Variants in NPSR1 observed in about 807,000 individuals in gnomAD.
NPSR1 encodes neuropeptide S receptor.
A neutral mutation model predicts 46.9 loss-of-function variants in NPSR1; 48 were observed. That is an observed-to-expected ratio of 1.02 (90% CI 0.81 to 1.30). The LOEUF is 1.30. Among genes scored for constraint, NPSR1 ranks in the 50% most tolerant of loss-of-function variants. The probability of loss-of-function intolerance (pLI) is 0.00; values close to 1 mark genes in which losing one functional copy is unlikely to be tolerated. For missense variants in NPSR1, 450 were observed against 449.5 expected (o/e 1.00, Z -0.01); for synonymous variants, 176 against 168.1 (o/e 1.05, Z -0.36).
intron 2 of NPSR1, among the ~76,000 whole-genome samples, chr7:34,775,025 CTT>C (rs1786884505): frequency 6.6e-6 from 1 of 152,190 alleles, no homozygotes; most frequent in Non-Finnish European, 1.5e-5. Context: ...CCACTAAAAA[CTT>C]TACCGATGTG....
rs1300947798 is a variant in NPSR1 at position 34,724,397 on chromosome 7, C to T, written c.280+39713C>T. The stretch of plus-strand genomic sequence containing the variant: ...AAGCCCACATAGCTTTACTTCCTGA[C>T]ATCTGTTCTCTCCTCCCAGGATCGG... On this transcript the variant is annotated intron_variant, in intron 2 of 8. Transcript: ENST00000360581. Among the ~76,000 whole-genome samples the T allele has an allele frequency of 3.3e-5, 5 of 152,170 alleles. No homozygotes were observed. In the East Asian group the frequency reaches 9.6e-4, roughly 29 times the overall value.
rs374115693 is a variant in NPSR1 at position 34,801,615 on chromosome 7, T to C, written c.385-10155T>C. 1.3e-4 allele frequency among the ~76,000 whole-genome samples: 19 copies of C among 143,208 alleles called. 1 individual carries two copies. The South Asian group carries it at 1.5e-3, about 12-fold the overall frequency. 94.0% of individuals were successfully genotyped at this position (143,208 alleles called of 152,430 possible). On this transcript the variant is annotated intron_variant, in intron 3 of 8. Transcript: ENST00000360581. ...TGACAAACCCACAGCCAATATCATA[T>C]TGAATGGGCAAAAACTGGAAGCATT...
chr7:34,872,243 C>G (rs13309638), intron 8 of NPSR1, among the ~76,000 whole-genome samples: 3 of 151,982 alleles, frequency 2.0e-5, no homozygotes, highest in Non-Finnish European at 4.4e-5. Flanking sequence ...TTGAGTCATG[C>G]CTGAAGCCAG....
At chr7:34,829,038 T>C (rs1789996800) in intron 5 of NPSR1, among the ~76,000 whole-genome samples, 1 of 152,222 alleles carries the variant, frequency 6.6e-6, no homozygotes, top group Non-Finnish European at 1.5e-5. Flanking sequence ...GCTGGTGGCA[T>C]GTTTTTCAAG....
intron 2 of NPSR1, among the ~76,000 whole-genome samples, chr7:34,721,725 AC>A (rs1367744085): frequency 2.0e-5 from 3 of 152,246 alleles, no homozygotes; most frequent in African/African-American, 4.8e-5. Flanking sequence ...ATAGTTTGTG[AC>A]TCAGGAATTT....
chr7:34,834,140 G>A (rs548627132), intron 5 of NPSR1: 1 of 525,762 alleles, frequency 1.9e-6, no homozygotes, highest in African/African-American at 1.9e-5. Flanking sequence ...GGGCTACCTT[G>A]AGGAAACTGC....
rs530733440 is a variant in NPSR1 at position 34,819,492 on chromosome 7, G to A, written c.478+7629G>A. On this transcript the variant is annotated intron_variant, in intron 4 of 8. Coordinates refer to ENST00000360581, the MANE Select transcript of NPSR1 (RefSeq NM_207172.2). ...GGGAGTGTACATTAGTTCAACCATT[G>A]TGGAACACAGTGTGGCGATTCCTCA... 1.8e-4 allele frequency among the ~76,000 whole-genome samples: 27 copies of A among 152,318 alleles called. 1 individual carries two copies. Among genetic ancestry groups the A allele is most frequent in the African/African-American group, 5.5e-4 (23 of 41,572 alleles).
chr7:34,658,404 G>A lies in NPSR1; in HGVS notation c.-9G>A, dbSNP rs774271955. 3.8e-5 allele frequency: 61 copies of A among 1,613,414 alleles called. No individual in the cohort carries two copies. The highest frequency in any genetic ancestry group is 1.8e-4 in the Middle Eastern group (1 of 5,616). ...AGCAAGGACAGTGAGGCTCAACCCC[G>A]CCTGAGCCATGCCAGCCAACTTCAC... is the stretch of plus-strand genomic sequence containing the variant. On this transcript the variant is annotated 5_prime_UTR_variant, in exon 1 of 9. Transcript: ENST00000360581.
intron 4 of NPSR1, 79 bp from the exon 5 acceptor site, chr7:34,827,322 C>A: frequency 7.9e-7 from 1 of 1,260,700 alleles, no homozygotes; most frequent in South Asian, 1.3e-5. Flanking sequence ...CCACAGTGAT[C>A]CTTTTCTATA....
At chr7:34,866,856 T>C (rs1028193162) in intron 8 of NPSR1, among the ~76,000 whole-genome samples, 4 of 151,700 alleles carry the variant, frequency 2.6e-5, no homozygotes, top group African/African-American at 7.3e-5. Flanking sequence ...CCATGCCAAA[T>C]TGAAAAATTC....
intron 2 of NPSR1, among the ~76,000 whole-genome samples, chr7:34,760,497 C>G (rs952940298): frequency 1.3e-5 from 2 of 152,224 alleles, no homozygotes. Context: ...CATTCAAAAT[C>G]CCACAGTCGG....
chr7:34,748,477 G>C (rs1452152705), intron 2 of NPSR1, among the ~76,000 whole-genome samples: 1 of 152,148 alleles, frequency 6.6e-6, no homozygotes, highest in East Asian at 1.9e-4. Context: ...ACTAGGGGTG[G>C]TGGCAGCTGG....
intron 6 of NPSR1, among the ~76,000 whole-genome samples, chr7:34,836,760 G>A (rs1790390817): frequency 6.7e-6 from 1 of 149,162 alleles, no homozygotes. Flanking sequence ...GAGGCGGGGG[G>A]GAAGAAAGAG....
chr7:34,682,935 C>T (rs1431201586), intron 1 of NPSR1, among the ~76,000 whole-genome samples: 1 of 152,088 alleles, frequency 6.6e-6, no homozygotes, highest in Non-Finnish European at 1.5e-5. Context: ...CACGATATAT[C>T]TGCAGAGCTC....
chr7:34,841,164 C>T (rs1351269030), intron 6 of NPSR1, among the ~76,000 whole-genome samples: 1 of 152,176 alleles, frequency 6.6e-6, no homozygotes, highest in Non-Finnish European at 1.5e-5. Flanking sequence ...AGTTAGACTT[C>T]CATGTTTCTA....
chr7:34,842,521 G>A (rs931351948), intron 6 of NPSR1, among the ~76,000 whole-genome samples: 11 of 152,198 alleles, frequency 7.2e-5, no homozygotes, highest in Non-Finnish European at 1.3e-4. Flanking sequence ...AAAGTTCCCT[G>A]TAAAGCAAGA....
rs575294875 is a variant in NPSR1 at position 34,861,314 on chromosome 7, C to T, written c.1025+12651C>T. The stretch of plus-strand genomic sequence containing the variant: ...CACCTCCCCATGCACTTGAGCAGTT[C>T]CCCTTCTGAGAATATGTTTCCCTCA... On this transcript the variant is annotated intron_variant, in intron 8 of 8. Transcript: ENST00000359791. 1.1e-3 allele frequency among the ~76,000 whole-genome samples: 163 copies of T among 152,002 alleles called. 1 individual carries two copies. The highest frequency in any genetic ancestry group is 1.8e-3 in the Non-Finnish European group (121 of 68,032).
intron 2 of NPSR1, chr7:34,710,928 C>T (rs1477808048): frequency 2.6e-6 from 1 of 391,676 alleles, no homozygotes; most frequent in Non-Finnish European, 4.9e-6. Flanking sequence ...AACACTATCA[C>T]AAGGAGTACA....
intron 2 of NPSR1, among the ~76,000 whole-genome samples, chr7:34,769,615 G>C (rs1053322779): frequency 6.6e-6 from 1 of 152,156 alleles, no homozygotes; most frequent in Non-Finnish European, 1.5e-5. Context: ...TGTTCATGCT[G>C]TTATATGTGC....
Sources: allele counts gnomAD v4.1 joint callset (sites outside exome capture counted in the v4.1 genomes callset), GRCh38; gene constraint gnomAD v4.1.1; transcripts MANE v1.5; gene names NCBI Gene and HGNC (gene_info 2026-07-23, HGNC 2026-07-21).